Variants in LRRTM4 observed in about 807,000 individuals in gnomAD.
LRRTM4 encodes the protein leucine rich repeat transmembrane neuronal 4.
In LRRTM4, 25 loss-of-function variants were observed where a neutral mutation model predicts 47.6. That is an observed-to-expected ratio of 0.53 (90% CI 0.38 to 0.73). The LOEUF is 0.73. LRRTM4 is among the 30% of genes least tolerant of loss of function. LRRTM4 has a pLI of 0.00. For missense variants in LRRTM4, 638 were observed against 713.4 expected (o/e 0.89, Z 1.20); for synonymous variants, 311 against 269.5 (o/e 1.15, Z -1.51).
chr2:77,334,350 C>T (rs1051892126), intron 3 of LRRTM4, among the ~76,000 whole-genome samples: 2 of 152,194 alleles, frequency 1.3e-5, no homozygotes, highest in African/African-American at 4.8e-5. Context: ...TTTGTCCCCA[C>T]CCAAATCTCA....
intron 3 of LRRTM4, among the ~76,000 whole-genome samples, chr2:76,809,244 T>C (rs907803516): frequency 2.0e-5 from 3 of 152,186 alleles, no homozygotes; most frequent in Admixed American, 6.5e-5. Context: ...GCAATCCTAT[T>C]GTACATTTTG....
At chr2:77,001,328 C>G (rs1677419199) in intron 3 of LRRTM4, among the ~76,000 whole-genome samples, 1 of 152,098 alleles carries the variant, frequency 6.6e-6, no homozygotes, top group African/African-American at 2.4e-5. Context: ...TCTTGAATAA[C>G]TGACAGGGGA....
chr2:77,384,110 C>A (rs1403899961), intron 3 of LRRTM4, among the ~76,000 whole-genome samples: 4 of 151,946 alleles, frequency 2.6e-5, no homozygotes, highest in Non-Finnish European at 4.4e-5. Context: ...TTAATGACTT[C>A]ATATTCTTTA....
At chr2:76,849,612 TA>T (rs1363154533) in intron 3 of LRRTM4, among the ~76,000 whole-genome samples, 1 of 151,638 alleles carries the variant, frequency 6.6e-6, no homozygotes, top group African/African-American at 2.4e-5. Flanking sequence ...GTTTGCTTAA[TA>T]AAAAAACAAC....
intron 3 of LRRTM4, among the ~76,000 whole-genome samples, chr2:76,770,806 C>T (rs1448721436): frequency 3.3e-5 from 5 of 152,146 alleles, no homozygotes; most frequent in African/African-American, 4.8e-5. Context: ...AATATGTCTC[C>T]ATTTTCATGC....
intron 3 of LRRTM4, among the ~76,000 whole-genome samples, chr2:76,749,811 CTTG>C (rs1329419212): frequency 6.6e-6 from 1 of 152,150 alleles, no homozygotes; most frequent in Non-Finnish European, 1.5e-5. Context: ...TACTTGCTTA[CTTG>C]TTGTTCTCAT....
chr2:77,396,024 A>T (rs1258273490), intron 3 of LRRTM4, among the ~76,000 whole-genome samples: 2 of 151,944 alleles, frequency 1.3e-5, no homozygotes, highest in Admixed American at 1.3e-4. Flanking sequence ...CTTGGAATTA[A>T]TATTTGCACA....
At chr2:77,078,011 T>A (rs1417059842) in intron 3 of LRRTM4, among the ~76,000 whole-genome samples, 1 of 152,208 alleles carries the variant, frequency 6.6e-6, no homozygotes, top group African/African-American at 2.4e-5. Context: ...TCCCAGTTTT[T>A]CACTACTTAC....
intron 3 of LRRTM4, among the ~76,000 whole-genome samples, chr2:76,984,982 G>T (rs567692293): frequency 6.6e-6 from 1 of 152,002 alleles, no homozygotes; most frequent in Non-Finnish European, 1.5e-5. Flanking sequence ...GAAAATCAGA[G>T]GATAGAAGTT....
At chr2:77,060,692 T>A (rs1679757809) in intron 3 of LRRTM4, among the ~76,000 whole-genome samples, 2 of 152,176 alleles carry the variant, frequency 1.3e-5, no homozygotes, top group South Asian at 4.1e-4. Context: ...CTGGAGTTTA[T>A]GATTAAAATA....
chr2:77,430,080 A>T (rs1160908637), intron 3 of LRRTM4, among the ~76,000 whole-genome samples: 1 of 152,090 alleles, frequency 6.6e-6, no homozygotes, highest in South Asian at 2.1e-4. Context: ...AAAAAAAAAA[A>T]TCTGTTTTAA....
At chr2:76,922,371 A>G (rs959042292) in intron 3 of LRRTM4, among the ~76,000 whole-genome samples, 1 of 152,062 alleles carries the variant, frequency 6.6e-6, no homozygotes, top group African/African-American at 2.4e-5. Context: ...AGCAGGAGAG[A>G]GAGAGCGTGC....
chr2:77,330,169 TGAA>T (rs764915989), intron 3 of LRRTM4, among the ~76,000 whole-genome samples: 37 of 152,230 alleles, frequency 2.4e-4, no homozygotes, highest in Middle Eastern at 3.4e-3. Flanking sequence ...AAATGTCACT[TGAA>T]GAGGAGTAAT....
chr2:76,869,523 A>G (rs566809173), intron 3 of LRRTM4, among the ~76,000 whole-genome samples: 1 of 152,296 alleles, frequency 6.6e-6, no homozygotes, highest in East Asian at 1.9e-4. Context: ...GATTTGAAAA[A>G]TGAATGGAAG....
At chr2:77,289,483 A>G (rs950352670) in intron 3 of LRRTM4, among the ~76,000 whole-genome samples, 9 of 152,062 alleles carry the variant, frequency 5.9e-5, no homozygotes, top group African/African-American at 1.9e-4. Context: ...CCTGATTAAC[A>G]TTTATATTAA....
intron 3 of LRRTM4, among the ~76,000 whole-genome samples, chr2:76,986,589 T>G (rs2103979797): frequency 6.6e-6 from 1 of 152,066 alleles, no homozygotes; most frequent in South Asian, 2.1e-4. Context: ...AGATTTATCT[T>G]GCTACTGAAA....
intron 3 of LRRTM4, among the ~76,000 whole-genome samples, chr2:77,005,336 G>C (rs1050945053): frequency 6.6e-6 from 1 of 152,062 alleles, no homozygotes; most frequent in Non-Finnish European, 1.5e-5. Context: ...GTAGAGACAG[G>C]GTTTCACCAT....
intron 3 of LRRTM4, among the ~76,000 whole-genome samples, chr2:77,434,219 CT>C (rs35183015): frequency 0.33 from 49,540 of 150,490 alleles, 8,279 homozygotes; most frequent in Non-Finnish European, 0.37. Context: ...TGTGTGTAGA[CT>C]TTTTTTTATC....
intron 3 of LRRTM4, among the ~76,000 whole-genome samples, chr2:77,324,955 A>G (rs1346767946): frequency 6.6e-6 from 1 of 152,196 alleles, no homozygotes; most frequent in Non-Finnish European, 1.5e-5. Context: ...TAAGAATTTG[A>G]ATTAATGAAA....
Sources: gnomAD v4.1 joint callset for allele counts (sites outside exome capture counted in the v4.1 genomes callset) on GRCh38, gnomAD v4.1.1 for gene constraint, MANE v1.5 for transcripts, NCBI Gene and HGNC (gene_info 2026-07-23, HGNC 2026-07-21) for gene names.